Variants in ANTXR2 observed in about 807,000 individuals in gnomAD.
ANTXR2 encodes the protein anthrax toxin receptor 2.
In ANTXR2, 44 loss-of-function variants were observed where a neutral mutation model predicts 73.7. The observed-to-expected ratio is 0.60, with a 90% CI of 0.47 to 0.77. The LOEUF (loss-of-function observed/expected upper bound fraction) is 0.77, where lower values mean the gene tolerates loss of function less well. ANTXR2 is among the 30% of genes least tolerant of loss of function. ANTXR2 has a pLI of 0.00. For synonymous variants in ANTXR2, 217 were observed against 205.9 expected (o/e 1.05, Z -0.46); for missense variants, 604 against 592.5 (o/e 1.02, Z -0.20).
chr4:79,951,591 CAAAA>C (rs61444171), intron 16 of ANTXR2, among the ~76,000 whole-genome samples: 1 of 148,928 alleles, frequency 6.7e-6, no homozygotes, highest in Admixed American at 6.6e-5. Flanking sequence ...ACAACAACAA[CAAAA>C]AAAAAAAAAC....
chr4:80,003,172 G>C (rs1731134640), intron 12 of ANTXR2, among the ~76,000 whole-genome samples: 1 of 151,996 alleles, frequency 6.6e-6, no homozygotes, highest in Non-Finnish European at 1.5e-5. Context: ...AAATGTCCAT[G>C]AATGATAGAT....
intron 16 of ANTXR2, among the ~76,000 whole-genome samples, chr4:79,947,060 G>A (rs149263132): frequency 6.6e-6 from 1 of 152,264 alleles, no homozygotes; most frequent in East Asian, 1.9e-4. Context: ...GAACCCAGCT[G>A]TATTAAATGA....
At chr4:80,054,695 C>T (rs372891090) in intron 6 of ANTXR2, among the ~76,000 whole-genome samples, 6 of 151,716 alleles carry the variant, frequency 4.0e-5, no homozygotes, top group Admixed American at 1.3e-4. Context: ...ATGAGTGAAA[C>T]ATTTTCAAAT....
chr4:80,029,920 G>C, intron 10 of ANTXR2, among the ~76,000 whole-genome samples: 1 of 151,872 alleles, frequency 6.6e-6, no homozygotes, highest in East Asian at 2.0e-4. Flanking sequence ...GCCAGACCCT[G>C]TAGAACCTGG....
At chr4:80,037,612 T>A (rs1010991804) in intron 7 of ANTXR2, among the ~76,000 whole-genome samples, 2 of 152,156 alleles carry the variant, frequency 1.3e-5, no homozygotes, top group African/African-American at 4.8e-5. Context: ...GGTCTGCTAC[T>A]TTATCTACAA....
chr4:79,977,730 C>T (rs765333977), intron 15 of ANTXR2, 29 bp from the exon 16 acceptor site: 6 of 1,544,590 alleles, frequency 3.9e-6, no homozygotes, highest in Non-Finnish European at 5.3e-6. Flanking sequence ...TGTGAATTCC[C>T]AGAGAATGTA....
chr4:79,977,422 G>T, intron 16 of ANTXR2, 199 bp downstream of exon 16: 1 of 1,072,476 alleles, frequency 9.3e-7, no homozygotes, highest in Non-Finnish European at 1.3e-6. Flanking sequence ...AAAGGGAATG[G>T]TGTAAAAATG....
intron 7 of ANTXR2, among the ~76,000 whole-genome samples, chr4:80,051,974 AT>A (rs1322900784): frequency 1.3e-5 from 2 of 151,568 alleles, no homozygotes; most frequent in African/African-American, 4.8e-5. Context: ...CATGTTGTCA[AT>A]TTTTTTCAAG....
Position 80,055,986 on chromosome 4 carries a change from A to G in ANTXR2, c.324T>C (p.Asp108=), listed in dbSNP as rs184413338. The change falls in exon 4 of 17, where the codon GAT becomes GAC. Residue 108 remains aspartate, a synonymous_variant. Coordinates refer to ENST00000403729, the MANE Select transcript of ANTXR2 (RefSeq NM_058172.6). The stretch of plus-strand genomic sequence containing the variant: ...CTCCTACTGGACTAACACGTTTTAA[A>G]TCCTCCAAGCCTTTACTGATTTTGC... ...DRGKISKGLE[D]LKRVSPVGET... is the part of the protein sequence containing the mutation. The G allele has an allele frequency of 2.3e-4, 367 of 1,570,360 alleles. 2 individuals carry two copies. The African/African-American group carries it at 4.2e-3, about 18-fold the overall frequency.
intron 14 of ANTXR2, 136 bp from the exon 15 acceptor site, chr4:79,978,310 T>C (rs1006751471): frequency 2.3e-5 from 17 of 737,098 alleles, no homozygotes; most frequent in Non-Finnish European, 3.3e-5. Context: ...TCCTAATTTC[T>C]CCTCTTCAGA....
At chr4:79,933,527 TTTTTG>T (rs567318043) in intron 16 of ANTXR2, among the ~76,000 whole-genome samples, 45 of 152,164 alleles carry the variant, frequency 3.0e-4, no homozygotes, top group East Asian at 7.7e-4. Flanking sequence ...ATTGGTTTGG[TTTTTG>T]TTTTGTTTTG....
At chr4:80,031,586 A>C in intron 10 of ANTXR2, 37 bp downstream of exon 10, 1 of 1,372,316 alleles carries the variant, frequency 7.3e-7, no homozygotes, top group Non-Finnish European at 9.7e-7. Context: ...ATTTTTTACT[A>C]AAAATGTTAT....
intron 3 of ANTXR2, among the ~76,000 whole-genome samples, chr4:80,064,459 G>C (rs1035184844): frequency 6.6e-6 from 1 of 152,170 alleles, no homozygotes; most frequent in Non-Finnish European, 1.5e-5. Flanking sequence ...ATCAGGCTCT[G>C]TTCTAGGTGT....
intron 11 of ANTXR2, among the ~76,000 whole-genome samples, chr4:80,018,315 G>A (rs1357162793): frequency 1.3e-5 from 2 of 152,086 alleles, no homozygotes; most frequent in Non-Finnish European, 2.9e-5. Flanking sequence ...ATAAAAGGAA[G>A]AAAATGTCTA....
intron 16 of ANTXR2, among the ~76,000 whole-genome samples, chr4:79,937,804 A>C (rs1016439046): frequency 6.7e-6 from 1 of 150,294 alleles, no homozygotes; most frequent in Admixed American, 6.6e-5. Context: ...CTGCATTTCC[A>C]TCTGAGGTAC....
chr4:79,987,724 G>A (rs902044918), intron 12 of ANTXR2, among the ~76,000 whole-genome samples: 1 of 152,118 alleles, frequency 6.6e-6, no homozygotes, highest in Admixed American at 6.5e-5. Context: ...ACAGAGAAGG[G>A]CCAGGTTAAG....
At chr4:80,052,860 G>A (rs1172988487) in intron 7 of ANTXR2, among the ~76,000 whole-genome samples, 1 of 151,506 alleles carries the variant, frequency 6.6e-6, no homozygotes, top group African/African-American at 2.4e-5. Flanking sequence ...TGATAACGAT[G>A]TCATCTGGAA....
At chr4:80,044,497 A>G (rs1432572312) in intron 7 of ANTXR2, among the ~76,000 whole-genome samples, 1 of 151,928 alleles carries the variant, frequency 6.6e-6, no homozygotes, top group Admixed American at 6.6e-5. Flanking sequence ...CCAAGATAAT[A>G]ATTTATCATG....
chr4:79,949,710 T>C (rs770484773), intron 16 of ANTXR2, among the ~76,000 whole-genome samples: 1 of 152,184 alleles, frequency 6.6e-6, no homozygotes, highest in Non-Finnish European at 1.5e-5. Context: ...GAAAGCCTAC[T>C]TCATATGAGG....
Sources: allele counts gnomAD v4.1 joint callset (sites outside exome capture counted in the v4.1 genomes callset), GRCh38; gene constraint gnomAD v4.1.1; transcripts MANE v1.5; gene names NCBI Gene and HGNC (gene_info 2026-07-23, HGNC 2026-07-21).